LNPEP: variants seen among roughly 807,000 people sequenced by gnomAD.
LNPEP encodes leucyl and cystinyl aminopeptidase.
In LNPEP, 64 loss-of-function variants were observed where a neutral mutation model predicts 120.6. That is an observed-to-expected ratio of 0.53 (90% CI 0.43 to 0.65). The LOEUF is 0.65. Ranked by LOEUF, LNPEP falls within the 30% of genes least tolerant of loss-of-function variation. The pLI is 0.00. For synonymous variants in LNPEP, 435 were observed against 425.4 expected (o/e 1.02, Z -0.28); for missense variants, 1,057 against 1,200.0 (o/e 0.88, Z 1.76).
intron 13 of LNPEP, among the ~76,000 whole-genome samples, chr5:97,020,234 T>C (rs987061171): frequency 1.3e-5 from 2 of 152,200 alleles, no homozygotes; most frequent in African/African-American, 4.8e-5. Context: ...TTTTAGGTAT[T>C]GACAGTGGTA....
At chr5:96,968,772 A>G (rs115868473) in intron 1 of LNPEP, among the ~76,000 whole-genome samples, 5,712 of 152,160 alleles carry the variant, frequency 0.038, 186 homozygotes, top group Middle Eastern at 0.11. Context: ...AAGGGGACAA[A>G]GTGAAGTGGC....
intron 13 of LNPEP, among the ~76,000 whole-genome samples, chr5:97,021,613 C>G (rs1297651347): frequency 6.6e-6 from 1 of 152,198 alleles, no homozygotes; most frequent in East Asian, 1.9e-4. Context: ...TGACATCCTT[C>G]CAGCAGTGGT....
At chr5:96,962,732 T>G (rs989329226) in intron 1 of LNPEP, 1 of 151,784 alleles carries the variant, frequency 6.6e-6, no homozygotes, top group Non-Finnish European at 1.5e-5. Flanking sequence ...CCATTAGTTG[T>G]AAATACCACT....
chr5:97,006,115 TG>T lies in LNPEP; in HGVS notation c.1830del (p.Trp610Ter). On this transcript the variant is annotated frameshift_variant, in exon 10 of 18. Transcript: ENST00000231368. LOFTEE classifies it high-confidence loss of function. ...TLDVKRMMKT[W>X]TLQKGFPLVT... is the part of the protein sequence containing the mutation. Reference sequence around the variant, plus strand: ...AGATGTAAAGAGAATGATGAAAACCTGGACCCTGCAGAAAGGATTTCCTTTA... The same window carrying T: ...AGATGTAAAGAGAATGATGAAAACCTGACCCTGCAGAAAGGATTTCCTTTA... 6.3e-7 allele frequency: 1 copy of T among 1,585,026 alleles called. No individual in the cohort carries two copies. Among genetic ancestry groups the T allele is most frequent in the Non-Finnish European group, 8.6e-7 (1 of 1,164,142 alleles).
chr5:97,010,738 T>G (rs1413759724), intron 11 of LNPEP: 3 of 985,254 alleles, frequency 3.0e-6, no homozygotes, highest in Non-Finnish European at 3.6e-6. Flanking sequence ...AGACTGAAAA[T>G]TGAAGTGTTA....
Position 97,031,895 on chromosome 5 carries a change from A to C in LNPEP, c.*3362A>C, listed in dbSNP as rs1185936732. ...GCGAGACTGTCTCAAAAAACAAAAA[A>C]CAAAAAAAAAAGAGTTAAGTGTTGA... On this transcript the variant is annotated 3_prime_UTR_variant, in exon 18 of 18. Transcript: ENST00000231368. 6.6e-6 allele frequency: 1 copy of C among 151,408 alleles called. No individual in the cohort carries two copies. The highest frequency in any genetic ancestry group is 6.6e-5 in the Admixed American group (1 of 15,192). The allele number at this position is 151,408 out of a possible 1,614,324, so 9.4% of individuals were successfully genotyped here. A position where few individuals can be genotyped will look rare whatever the true frequency, so the allele number is the denominator to read the frequency against.
At chr5:97,006,840 G>A (rs1367341979) in intron 11 of LNPEP, among the ~76,000 whole-genome samples, 1 of 152,158 alleles carries the variant, frequency 6.6e-6, no homozygotes, top group Non-Finnish European at 1.5e-5. Context: ...GCTATCTACT[G>A]TCTAGGGTTG....
At chr5:96,995,921 A>G (rs982995665) in intron 6 of LNPEP, 1 of 155,786 alleles carries the variant, frequency 6.4e-6, no homozygotes, top group Non-Finnish European at 1.4e-5. Context: ...AACAAAGTAT[A>G]GGCTTTCTGA....
At chr5:97,016,233 T>G (rs1791067114) in intron 13 of LNPEP, among the ~76,000 whole-genome samples, 1 of 152,160 alleles carries the variant, frequency 6.6e-6, no homozygotes, top group Non-Finnish European at 1.5e-5. Flanking sequence ...TTCATAAGGC[T>G]TTCAGCTAGC....
intron 13 of LNPEP, among the ~76,000 whole-genome samples, chr5:97,015,972 CT>C (rs1343312980): frequency 6.6e-6 from 1 of 151,948 alleles, no homozygotes; most frequent in Non-Finnish European, 1.5e-5. Flanking sequence ...TGTACACAAC[CT>C]TCTTTCTGCC....
At chr5:96,987,853 A>G (rs1790278840) in intron 4 of LNPEP, among the ~76,000 whole-genome samples, 1 of 152,202 alleles carries the variant, frequency 6.6e-6, no homozygotes, top group Non-Finnish European at 1.5e-5. Flanking sequence ...GTTGCACTAC[A>G]TATTTAGCCT....
At chr5:97,007,110 A>G (rs911560439) in intron 11 of LNPEP, among the ~76,000 whole-genome samples, 3 of 152,246 alleles carry the variant, frequency 2.0e-5, no homozygotes, top group Non-Finnish European at 2.9e-5. Flanking sequence ...GTTAAATACC[A>G]CTATGAATGT....
At chr5:96,953,913 C>T (rs769849068) in intron 1 of LNPEP, among the ~76,000 whole-genome samples, 3 of 152,122 alleles carry the variant, frequency 2.0e-5, no homozygotes, top group Non-Finnish European at 4.4e-5. Context: ...AGTTTCTAAC[C>T]GGTGTTCGTC....
Position 96,985,109 on chromosome 5 carries a change from T to C in LNPEP, c.890T>C (p.Leu297Pro), listed in dbSNP as rs1317457871. ...TTTGCAGCAACTCAGTTTGAACCCC[T>C]GGCAGCAAGATCTGCTTTTCCTTGT... ...KYFAATQFEP[L>P]AARSAFPCFD... The change falls in exon 3 of 18, where the codon CTG becomes CCG. Residue 297 changes from leucine to proline, a missense_variant. Physicochemically the swap from Leu to Pro is moderately conservative, Grantham distance 98. Transcript: ENST00000231368. 3 of 1,613,932 alleles carry C rather than the reference T, an allele frequency of 1.9e-6. No individual in the cohort carries two copies. The highest frequency in any genetic ancestry group is 2.5e-6 in the Non-Finnish European group (3 of 1,179,930).
chr5:96,985,877 C>T (rs1341890226), intron 3 of LNPEP, among the ~76,000 whole-genome samples: 1 of 152,024 alleles, frequency 6.6e-6, no homozygotes, highest in Non-Finnish European at 1.5e-5. Flanking sequence ...GGAGCCAATC[C>T]TGTAGGCAGC....
At chr5:96,971,241 G>A (rs1789853076) in intron 1 of LNPEP, among the ~76,000 whole-genome samples, 1 of 151,692 alleles carries the variant, frequency 6.6e-6, no homozygotes, top group African/African-American at 2.4e-5. Flanking sequence ...TGTATGTACT[G>A]TTGTTCATCT....
Position 97,030,158 on chromosome 5 carries a change from G to A in LNPEP, c.*1625G>A, listed in dbSNP as rs1404103993. 1 of 151,746 alleles carries A rather than the reference G, an allele frequency of 6.6e-6. No homozygotes were observed. The highest frequency in any genetic ancestry group is 1.5e-5 in the Non-Finnish European group (1 of 67,934). The allele number at this position is 151,746 out of a possible 1,614,324, so 9.4% of individuals were successfully genotyped here. On this transcript the variant is annotated 3_prime_UTR_variant, in exon 18 of 18. Transcript: ENST00000231368. Reference sequence around the variant, plus strand: ...TTATATAATAAAATTTAAAAGGCTGGTAAGCTAAAAAAATAGTCTTCTTTA... The same window carrying A: ...TTATATAATAAAATTTAAAAGGCTGATAAGCTAAAAAAATAGTCTTCTTTA...
intron 4 of LNPEP, among the ~76,000 whole-genome samples, chr5:96,990,985 C>G (rs144547739): frequency 2.6e-5 from 4 of 152,066 alleles, no homozygotes; most frequent in Non-Finnish European, 5.9e-5. Context: ...GTGGTGATTT[C>G]TGAGATTTTG....
intron 1 of LNPEP, among the ~76,000 whole-genome samples, chr5:96,961,773 A>G (rs1447848392): frequency 1.3e-5 from 2 of 152,156 alleles, no homozygotes; most frequent in Non-Finnish European, 2.9e-5. Flanking sequence ...TGTAAATACT[A>G]TGTAAATTAT....
Sources: gnomAD v4.1 joint callset for allele counts (sites outside exome capture counted in the v4.1 genomes callset) on GRCh38, gnomAD v4.1.1 for gene constraint, MANE v1.5 for transcripts, NCBI Gene and HGNC (gene_info 2026-07-23, HGNC 2026-07-21) for gene names.